The following AHCTF1 variants were observed in gnomAD, a reference collection of about 807,000 sequenced individuals.
AHCTF1 encodes protein ELYS.
In AHCTF1, 24 loss-of-function variants were observed where a neutral mutation model predicts 248.4. The observed-to-expected ratio is 0.10, with a 90% CI of 0.07 to 0.14. The LOEUF is 0.14. Ranked by LOEUF, AHCTF1 falls within the 10% of genes least tolerant of loss-of-function variation. AHCTF1 has a pLI of 1.00. For synonymous variants in AHCTF1, 786 were observed against 929.8 expected, an observed-to-expected ratio of 0.85 and a Z score of 2.81; for missense variants, 2,206 against 2,636.2, an observed-to-expected ratio of 0.84 and a Z score of 3.57.
At chr1:246,927,245 G>A (rs1417664951) in intron 1 of AHCTF1, among the ~76,000 whole-genome samples, 1 of 152,078 alleles carries the variant, frequency 6.6e-6, no homozygotes, top group African/African-American at 2.4e-5. Context: ...CACTTTGGGA[G>A]GCCAAGGCGG....
chr1:246,854,425 A>C (rs1660955500), intron 31 of AHCTF1, among the ~76,000 whole-genome samples: 1 of 152,186 alleles, frequency 6.6e-6, no homozygotes, highest in Non-Finnish European at 1.5e-5. Context: ...GAAACAGCAA[A>C]ACAAACCCCA....
chr1:246,918,192 T>C (rs530312892), intron 2 of AHCTF1, 58 bp downstream of exon 2: 14 of 1,480,410 alleles, frequency 9.5e-6, no homozygotes, highest in African/African-American at 5.7e-5. Context: ...TATATACTTA[T>C]TATTATTTAT....
At chr1:246,900,797 C>T (rs930586576) in intron 8 of AHCTF1, among the ~76,000 whole-genome samples, 4 of 152,164 alleles carry the variant, frequency 2.6e-5, no homozygotes, top group East Asian at 1.9e-4. Context: ...CTCGCAAGGA[C>T]GGTACGGAGC....
At chr1:246,871,414 CCACA>C (rs1241097939) in intron 24 of AHCTF1, among the ~76,000 whole-genome samples, 1 of 152,160 alleles carries the variant, frequency 6.6e-6, no homozygotes, top group African/African-American at 2.4e-5. Flanking sequence ...GGAACTGCTC[CCACA>C]CAAATACTCA....
At chr1:246,871,048 ATC>A (rs1258629038) in intron 24 of AHCTF1, among the ~76,000 whole-genome samples, 2 of 152,202 alleles carry the variant, frequency 1.3e-5, no homozygotes, top group Non-Finnish European at 2.9e-5. Context: ...CTTTTGACTT[ATC>A]TGTCTCATAA....
rs761353051 is a variant in AHCTF1 at position 246,867,333 on chromosome 1, T to C, written c.3258A>G (p.Pro1086=). 2.1e-5 allele frequency: 34 copies of C among 1,588,790 alleles called. No individual in the cohort carries two copies. In the Admixed American group the frequency reaches 3.2e-4, roughly 15 times the overall value. ...TPFNSSKIEE[P]SPIVYSLPAP... ...CTGGGAGCGAATACACTATAGGAGA[T>C]GGTTCTTCTATTTTAGAACTATGAA... is the stretch of plus-strand genomic sequence containing the variant. Residue 1086 remains proline (P), a synonymous_variant, in exon 26 of 36, where the codon CCA becomes CCG. Transcript: ENST00000648844.
intron 20 of AHCTF1, among the ~76,000 whole-genome samples, chr1:246,885,898 A>C (rs1053685826): frequency 2.6e-5 from 4 of 152,214 alleles, no homozygotes; most frequent in African/African-American, 7.2e-5. Context: ...AACATTTGAA[A>C]AAATAAGGCT....
At chr1:246,899,385 C>T in intron 11 of AHCTF1, 66 bp downstream of exon 11, 1 of 1,328,896 alleles carries the variant, frequency 7.5e-7, no homozygotes, top group Non-Finnish European at 1.0e-6. Flanking sequence ...AAACTTAAAT[C>T]CATAAATCAA....
chr1:246,917,529 A>G (rs1049376758), intron 2 of AHCTF1, among the ~76,000 whole-genome samples: 1 of 152,226 alleles, frequency 6.6e-6, no homozygotes, highest in Non-Finnish European at 1.5e-5. Flanking sequence ...TCTCAGTTAC[A>G]CAGAATAGTG....
rs769419285 is a variant in AHCTF1 at position 246,850,455 on chromosome 1, C to T, written c.5551G>A (p.Glu1851Lys). The T allele has an allele frequency of 6.3e-7, 1 of 1,591,452 alleles. No individual in the cohort carries two copies. Among genetic ancestry groups the T allele is most frequent in the Admixed American group, 1.8e-5 (1 of 54,498 alleles). ...SKRLKSSQLL[E>K]PAVEETTKKE... ...TTAGTAGTTTCTTCAACTGCTGGTT[C>T]CAACAGCTGAGATGATTTTAATCTT... The change falls in exon 33 of 36, where the codon GAA (glutamate) becomes AAA (lysine). Residue 1851 changes from glutamate to lysine, a missense_variant. Glu to Lys is a moderately conservative substitution (Grantham distance 56). Transcript: ENST00000648844.
At position 246,878,700 on chromosome 1, in the gene AHCTF1, G is replaced by A. The variant is rs374720542; in HGVS notation, c.2661-1398C>T. The stretch of plus-strand genomic sequence containing the variant: ...ATGGCAAGATTGCACTGCCCTATAC[G>A]TTCTGTGAATACAAAGTTACTTGGG... On this transcript the variant is annotated intron_variant, in intron 21 of 35. Coordinates refer to ENST00000648844, the MANE Select transcript of AHCTF1 (RefSeq NM_001323342.2). Among the ~76,000 whole-genome samples the A allele has an allele frequency of 3.3e-5, 5 of 152,170 alleles. No homozygotes were observed. The South Asian group carries it at 8.3e-4, about 25-fold the overall frequency.
At chr1:246,912,326 T>C (rs572171568) in intron 4 of AHCTF1, among the ~76,000 whole-genome samples, 1 of 147,676 alleles carries the variant, frequency 6.8e-6, no homozygotes, top group Non-Finnish European at 1.5e-5. Flanking sequence ...AAAAAAAAAA[T>C]ACAAAAATTA....
chr1:246,911,092 T>C lies in AHCTF1; in HGVS notation c.556+2140A>G, dbSNP rs566961773. ...GTCCAACTGCTTCCAATTCTCAAAA[T>C]TGAGAAATGGTTCTGATCACAATCC... On this transcript the variant is annotated intron_variant, in intron 4 of 35. Coordinates refer to ENST00000648844, the MANE Select transcript of AHCTF1 (RefSeq NM_001323342.2). 5.3e-5 allele frequency among the ~76,000 whole-genome samples: 8 copies of C among 152,294 alleles called. No individual in the cohort carries two copies. The South Asian group carries it at 1.4e-3, about 28-fold the overall frequency.
intron 5 of AHCTF1, among the ~76,000 whole-genome samples, chr1:246,906,941 A>G (rs1665435457): frequency 6.6e-6 from 1 of 152,224 alleles, no homozygotes; most frequent in African/African-American, 2.4e-5. Flanking sequence ...TACTTCTGAA[A>G]GAACTCATAT....
At position 246,855,578 on chromosome 1, in the gene AHCTF1, T is replaced by C. The variant is rs1023989010; in HGVS notation, c.4354+152A>G. ...TGACAGCTTATATATCTCCTTAGAA[T>C]ACTTCTACACCAGGAAAGCTGACCA... On this transcript the variant is annotated intron_variant, in intron 31 of 35. Coordinates refer to ENST00000648844, the MANE Select transcript of AHCTF1 (RefSeq NM_001323342.2). 118 of 595,610 alleles carry C rather than the reference T, an allele frequency of 2.0e-4. 1 individual carries two copies. The highest frequency in any genetic ancestry group is 2.5e-4 in the Non-Finnish European group (88 of 347,854). The allele number at this position is 595,610 out of a possible 1,614,324, so 36.9% of individuals were successfully genotyped here. A position where few individuals can be genotyped will look rare whatever the true frequency, so the allele number is the denominator to read the frequency against.
chr1:246,893,378 A>G (rs970046251), intron 14 of AHCTF1, among the ~76,000 whole-genome samples: 1 of 152,232 alleles, frequency 6.6e-6, no homozygotes, highest in East Asian at 1.9e-4. Context: ...CTTAACTTAC[A>G]TTGTGAAAAG....
At chr1:246,905,510 C>G (rs754868510) in intron 6 of AHCTF1, 31 bp downstream of exon 6, 1 of 1,575,506 alleles carries the variant, frequency 6.3e-7, no homozygotes, top group South Asian at 1.1e-5. Flanking sequence ...AAAAACAAAA[C>G]AAAACAAAAC....
intron 10 of AHCTF1, 35 bp downstream of exon 10, chr1:246,900,030 C>A (rs971594497): frequency 8.3e-6 from 13 of 1,557,988 alleles, no homozygotes; most frequent in Non-Finnish European, 1.1e-5. Flanking sequence ...TTGTGCATTA[C>A]TTTTCTTAAG....
At position 246,877,238 on chromosome 1, in the gene AHCTF1, G is replaced by A; in HGVS notation, c.2725C>T (p.Leu909=). ...TGACAGACTTCATACATGTGCTTCA[G>A]TAACTCCTCTATATTCAACCTATTG... The part of the protein sequence containing the change: ...HCNRLNIEEL[L]KHMYEVCQEM... The change falls in exon 22 of 36, where the codon CTG becomes TTG. Residue 909 remains leucine (L), a synonymous_variant. Transcript: ENST00000648844. 6.2e-7 allele frequency: 1 copy of A among 1,613,308 alleles called. No homozygotes were observed. The highest frequency in any genetic ancestry group is 8.5e-7 in the Non-Finnish European group (1 of 1,179,786).
Sources: gnomAD v4.1 joint callset for allele counts (sites outside exome capture counted in the v4.1 genomes callset) on GRCh38, gnomAD v4.1.1 for gene constraint, MANE v1.5 for transcripts, NCBI Gene and HGNC (gene_info 2026-07-23, HGNC 2026-07-21) for gene names.